TUSC3: variants seen among roughly 807,000 people sequenced by gnomAD.
TUSC3 encodes the protein tumor suppressor candidate 3.
A neutral mutation model predicts 44.8 loss-of-function variants in TUSC3; 45 were observed. That is an observed-to-expected ratio of 1.00 (90% CI 0.79 to 1.29). The LOEUF (loss-of-function observed/expected upper bound fraction) is 1.29, where lower values mean the gene tolerates loss of function less well. Ranked by LOEUF, TUSC3 falls within the 50% of genes most tolerant of loss-of-function variation. The pLI, the probability that TUSC3 is intolerant of heterozygous loss-of-function variation, is 0.00. For synonymous variants in TUSC3, 212 were observed against 152.9 expected (o/e 1.39, Z -2.85); for missense variants, 519 against 437.9 (o/e 1.19, Z -1.65).
the TUSC3 span, among the ~76,000 whole-genome samples, chr8:15,791,957 T>G: frequency 6.6e-6 from 1 of 152,178 alleles, no homozygotes; most frequent in Non-Finnish European, 1.5e-5. Context: ...ACTGAACTGT[T>G]TCTTAGTATT....
chr8:15,773,562 T>G, the TUSC3 span, among the ~76,000 whole-genome samples: 1 of 152,182 alleles, frequency 6.6e-6, no homozygotes, highest in Non-Finnish European at 1.5e-5. Context: ...TATAATCCAG[T>G]GGCCTTTTTG....
chr8:15,736,024 G>A (rs532438375), intron 7 of TUSC3, among the ~76,000 whole-genome samples: 47 of 152,138 alleles, frequency 3.1e-4, no homozygotes, highest in Non-Finnish European at 5.6e-4. Flanking sequence ...CACCACGCCC[G>A]GCGATATTTC....
At chr8:15,592,776 T>A (rs150673118) in intron 1 of TUSC3, among the ~76,000 whole-genome samples, 231 of 152,304 alleles carry the variant, frequency 1.5e-3, no homozygotes, top group African/African-American at 5.2e-3. Context: ...TCTGAGTTCT[T>A]GTAAATGTAG....
intron 9 of TUSC3, among the ~76,000 whole-genome samples, chr8:15,754,274 T>C (rs576949538): frequency 2.6e-4 from 40 of 152,140 alleles, no homozygotes; most frequent in Non-Finnish European, 3.2e-4. Context: ...GGCTGTACAA[T>C]AGTAAATCAT....
chr8:15,502,205 GTT>G (rs1236367012), intron 2 of TUSC3, among the ~76,000 whole-genome samples: 3 of 152,144 alleles, frequency 2.0e-5, no homozygotes, highest in Non-Finnish European at 2.9e-5. Context: ...CTTTGCGCAA[GTT>G]TTTGCTGAAG....
chr8:15,433,920 T>C (rs1799911784), intron 1 of TUSC3, among the ~76,000 whole-genome samples: 1 of 152,150 alleles, frequency 6.6e-6, no homozygotes, highest in Non-Finnish European at 1.5e-5. Context: ...AAGCTAGGAA[T>C]ATTTTGTACA....
At chr8:15,778,404 G>A in the TUSC3 span, among the ~76,000 whole-genome samples, 1 of 152,134 alleles carries the variant, frequency 6.6e-6, no homozygotes, top group Non-Finnish European at 1.5e-5. Context: ...AGTTGTTATT[G>A]ACTAATCAGC....
intron 1 of TUSC3, among the ~76,000 whole-genome samples, chr8:15,588,742 C>T (rs1331441627): frequency 6.6e-6 from 1 of 152,064 alleles, no homozygotes; most frequent in Non-Finnish European, 1.5e-5. Flanking sequence ...TGGTGAGAGA[C>T]AGGGTCCAGT....
intron 1 of TUSC3, among the ~76,000 whole-genome samples, chr8:15,572,050 C>CT (rs369327464): frequency 3.2e-4 from 49 of 152,154 alleles, no homozygotes; most frequent in African/African-American, 1.1e-3. Context: ...TTGGCTTCAA[C>CT]TTTAAGTCAC....
At chr8:15,755,259 G>A (rs1459529870) in intron 9 of TUSC3, among the ~76,000 whole-genome samples, 1 of 152,074 alleles carries the variant, frequency 6.6e-6, no homozygotes, top group Non-Finnish European at 1.5e-5. Context: ...TTTGTCATAT[G>A]TCGTTCAACT....
At chr8:15,610,307 T>C (rs1230642887) in intron 1 of TUSC3, among the ~76,000 whole-genome samples, 1 of 152,156 alleles carries the variant, frequency 6.6e-6, no homozygotes, top group Non-Finnish European at 1.5e-5. Context: ...TTTTCGCTGA[T>C]AAAATTAAGG....
chr8:15,759,149 G>A (rs1203360471), intron 10 of TUSC3, among the ~76,000 whole-genome samples: 2 of 152,180 alleles, frequency 1.3e-5, no homozygotes, highest in Non-Finnish European at 2.9e-5. Flanking sequence ...GGGCCGGAAT[G>A]AAAATTCAAC....
the TUSC3 span, among the ~76,000 whole-genome samples, chr8:15,846,430 T>C: frequency 3.9e-5 from 6 of 152,308 alleles, no homozygotes; most frequent in African/African-American, 7.2e-5. Context: ...CATATGTTTA[T>C]TGCAGCACTA....
At chr8:15,761,647 T>C (rs554115787) in intron 10 of TUSC3, among the ~76,000 whole-genome samples, 1 of 152,342 alleles carries the variant, frequency 6.6e-6, no homozygotes, top group African/African-American at 2.4e-5. Context: ...GATTCGTTCA[T>C]GACTGAGCGT....
the TUSC3 span, among the ~76,000 whole-genome samples, chr8:15,800,285 C>A: frequency 6.6e-6 from 1 of 152,142 alleles, no homozygotes; most frequent in Non-Finnish European, 1.5e-5. Context: ...CATTTTCTCT[C>A]AGGCTGGGCA....
chr8:15,659,271 C>T (rs1807313462), intron 3 of TUSC3, among the ~76,000 whole-genome samples: 1 of 151,892 alleles, frequency 6.6e-6, no homozygotes, highest in Admixed American at 6.6e-5. Context: ...GAACATAATG[C>T]ATAATTTGAA....
intron 1 of TUSC3, among the ~76,000 whole-genome samples, chr8:15,586,266 G>A (rs1803599042): frequency 1.3e-5 from 2 of 152,140 alleles, no homozygotes; most frequent in Non-Finnish European, 2.9e-5. Flanking sequence ...AAAACAAACA[G>A]CTTACCTTTG....
At chr8:15,762,858 G>A (rs1024253651) in intron 10 of TUSC3, among the ~76,000 whole-genome samples, 5 of 151,758 alleles carry the variant, frequency 3.3e-5, no homozygotes, top group Non-Finnish European at 7.4e-5. Flanking sequence ...CATGCGGATT[G>A]AACAGCAACT....
chr8:15,845,975 A>G, the TUSC3 span, among the ~76,000 whole-genome samples: 37,826 of 151,906 alleles, frequency 0.25, 5,480 homozygotes, highest in African/African-American at 0.41. Context: ...GGCACTTCTT[A>G]CATCATGGCA....
Sources: allele counts gnomAD v4.1 joint callset (sites outside exome capture counted in the v4.1 genomes callset), GRCh38; gene constraint gnomAD v4.1.1; transcripts MANE v1.5; gene names NCBI Gene and HGNC (gene_info 2026-07-23, HGNC 2026-07-21).